The following MSH5 variants were observed in gnomAD, a reference collection of about 807,000 sequenced individuals.
MSH5 encodes mutS homolog 5.
MSH5 carries 78 observed loss-of-function variants against 107.7 expected under a neutral mutation model. The ratio of observed to expected loss-of-function variants is 0.72; its 90% CI spans 0.60 to 0.87. The LOEUF (loss-of-function observed/expected upper bound fraction) is 0.87. MSH5 is among the 40% of genes least tolerant of loss of function. The probability of loss-of-function intolerance (pLI) is 0.00; values close to 1 mark genes in which losing one functional copy is unlikely to be tolerated. For missense variants in MSH5, 889 were observed against 1,046.6 expected, an observed-to-expected ratio of 0.85 and a Z score of 2.08; for synonymous variants, 326 against 399.5, an observed-to-expected ratio of 0.82 and a Z score of 2.19.
chr6:31,740,557 C>T lies in MSH5; in HGVS notation c.91C>T (p.Pro31Ser). ...SSGFPSPAPV[P>S]GPREAEEEEV... Reference sequence around the variant, plus strand: ...CGGCTTCCCCAGCCCGGCCCCAGTGCCGGGCCCCAGGGAGGCCGAGGAGGA... The same window carrying T: ...CGGCTTCCCCAGCCCGGCCCCAGTGTCGGGCCCCAGGGAGGCCGAGGAGGA... Residue 31 changes from proline (P) to serine (S), a missense_variant, in exon 2 of 25, where the codon CCG (proline) becomes TCG (serine). Physicochemically the swap from Pro to Ser is moderately conservative, Grantham distance 74. This residue lies in a region of MSH5 where 518 missense variants were observed against 565.0 expected (regional missense o/e 0.92). Transcript: ENST00000375750. The surrounding 1 kb of genome is among the most constrained non-coding windows in gnomAD (Gnocchi z 4.4). The T allele has an allele frequency of 6.6e-7, 1 of 1,523,318 alleles. No individual in the cohort carries two copies. The highest frequency in any genetic ancestry group is 8.8e-7 in the Non-Finnish European group (1 of 1,137,082). The allele number at this position is 1,523,318 out of a possible 1,614,324, so 94.4% of individuals were successfully genotyped here.
Position 31,740,424 on chromosome 6 carries a change from C to T in MSH5, c.-13-30C>T, listed in dbSNP as rs17201088. The T allele has an allele frequency of 1.9e-4, 287 of 1,541,992 alleles. 3 individuals are homozygous for T. The Middle Eastern group carries it at 7.0e-3, about 38-fold the overall frequency. The stretch of plus-strand genomic sequence containing the variant: ...CGGCCTCCTCTGTGAATCGTTGCTT[C>T]CGAACCGCCCTCACTTTTTGCATCC... On this transcript the variant is annotated intron_variant, in intron 1 of 24. Coordinates refer to ENST00000375750, the MANE Select transcript of MSH5 (RefSeq NM_172166.4). This position sits in a 1 kb window ranked among gnomAD's most constrained non-coding sequence, Gnocchi z 4.4.
At chr6:31,748,002 C>CAAA (rs9279406) in intron 10 of MSH5, among the ~76,000 whole-genome samples, 1 of 141,402 alleles carries the variant, frequency 7.1e-6, no homozygotes, top group Non-Finnish European at 1.6e-5. Context: ...GACTCCGTCT[C>CAAA]AAAAAAAAAA....
intron 12 of MSH5, chr6:31,753,886 T>C: frequency 2.4e-6 from 1 of 414,828 alleles, no homozygotes; most frequent in Non-Finnish European, 4.5e-6. Context: ...CCACCATGCC[T>C]GGCAAATTTT....
chr6:31,744,577 T>TA lies in MSH5; in HGVS notation c.680dup (p.Tyr227Ter). The TA allele has an allele frequency of 6.2e-7, 1 of 1,613,138 alleles. No homozygotes were observed. The highest frequency in any genetic ancestry group is 8.5e-7 in the Non-Finnish European group (1 of 1,180,006). ...THLVNIDQDT[Y>*]SVLQIFKSES... ...TCTGGTGAACATAGATCAAGACACT[T>TA]ACAGGTAAAGAGGTGGAGGCATGCT... Residue 227 changes from tyrosine to a stop codon, truncating the protein, a stop_gained and frameshift_variant, in exon 8 of 25, where the codon TAC becomes TAAC. Coordinates refer to ENST00000375750, the MANE Select transcript of MSH5 (RefSeq NM_172166.4). LOFTEE classifies it high-confidence loss of function.
intron 8 of MSH5, 23 bp from the exon 9 acceptor site, chr6:31,745,214 A>C (rs1562222553): frequency 1.3e-6 from 2 of 1,528,628 alleles, no homozygotes; most frequent in Middle Eastern, 3.4e-4. Context: ...GTTACCCCAA[A>C]CTCCTCCATT....
Position 31,762,625 on chromosome 6 carries a change from G to T in MSH5, c.*94G>T. 1 of 740,970 alleles carries T rather than the reference G, an allele frequency of 1.3e-6. No homozygotes were observed. The allele number at this position is 740,970 out of a possible 1,614,324, so 45.9% of individuals were successfully genotyped here. ...ATCTCCCTCAGACGCAGAGTTTTTA[G>T]TTTCTCTAGAAATTTTGTTTCATAT... On this transcript the variant is annotated 3_prime_UTR_variant, in exon 25 of 25. Transcript: ENST00000375750.
chr6:31,742,812 A>G, intron 3 of MSH5, 65 bp from the exon 4 acceptor site: 11 of 1,501,586 alleles, frequency 7.3e-6, no homozygotes, highest in Non-Finnish European at 9.3e-6. Flanking sequence ...GAGGAGGGCT[A>G]TGGGTTTTCT....
intron 4 of MSH5, 52 bp from the exon 5 acceptor site, chr6:31,743,056 G>T: frequency 6.2e-7 from 1 of 1,610,908 alleles, no homozygotes; most frequent in Non-Finnish European, 8.5e-7. Flanking sequence ...TCAGACAGAG[G>T]TAGAAGGACT....
intron 10 of MSH5, among the ~76,000 whole-genome samples, chr6:31,750,387 C>T (rs980748879): frequency 6.6e-6 from 1 of 152,114 alleles, no homozygotes; most frequent in Non-Finnish European, 1.5e-5. Context: ...GCTGTACAGG[C>T]ACCAAGAATA....
At chr6:31,757,265 C>T (rs1017131684) in intron 12 of MSH5, among the ~76,000 whole-genome samples, 1 of 152,226 alleles carries the variant, frequency 6.6e-6, no homozygotes, top group Non-Finnish European at 1.5e-5. Context: ...CTACCTCAGC[C>T]TCCTGAGTGC....
rs1810792623 is a variant in MSH5 at position 31,759,740 on chromosome 6, T to C, written c.1496-46T>C. On this transcript the variant is annotated intron_variant, in intron 17 of 24. Coordinates refer to ENST00000375750, the MANE Select transcript of MSH5 (RefSeq NM_172166.4). The surrounding 1 kb of genome is among the most constrained non-coding windows in gnomAD (Gnocchi z 4.7). ...CTAGGGGCCTCTGCCTCTCCTTCAC[T>C]TTCCCCTGGAACTGACCTCCAGCTC... The C allele has an allele frequency of 6.3e-7, 1 of 1,599,140 alleles. No homozygotes were observed. Among genetic ancestry groups the C allele is most frequent in the South Asian group, 1.1e-5 (1 of 90,286 alleles).
chr6:31,746,945 G>A (rs543341712), intron 9 of MSH5, among the ~76,000 whole-genome samples: 2 of 152,058 alleles, frequency 1.3e-5, no homozygotes, highest in East Asian at 3.9e-4. Flanking sequence ...TCAGCCTCCC[G>A]AGTAGCTGGG....
At chr6:31,762,074 A>G (rs1811063711) in intron 23 of MSH5, 38 bp from the exon 24 acceptor site, 1 of 1,610,604 alleles carries the variant, frequency 6.2e-7, no homozygotes, top group Admixed American at 1.7e-5. Flanking sequence ...TCTCTTCCCC[A>G]CTCCCCTTAC....
intron 12 of MSH5, among the ~76,000 whole-genome samples, chr6:31,755,477 C>T (rs1190348251): frequency 6.6e-6 from 1 of 152,044 alleles, no homozygotes; most frequent in Non-Finnish European, 1.5e-5. Context: ...ATTCTCTTGC[C>T]TCAGCCTCCC....
chr6:31,751,004 ATTTAT>A (rs1263661632), intron 10 of MSH5, among the ~76,000 whole-genome samples: 3 of 151,964 alleles, frequency 2.0e-5, no homozygotes, highest in Non-Finnish European at 4.4e-5. Flanking sequence ...AATTTATTTT[ATTTAT>A]TTATTTATTT....
At chr6:31,751,656 AAAT>A (rs1809972013) in intron 10 of MSH5, 2 of 151,462 alleles carry the variant, frequency 1.3e-5, no homozygotes, top group African/African-American at 4.9e-5. Flanking sequence ...AAAAAGATGT[AAAT>A]AATAATACTA....
rs1311711611 is a variant in MSH5 at position 31,759,352 on chromosome 6, G to C, written c.1408-73G>C. 3 of 1,512,014 alleles carry C rather than the reference G, an allele frequency of 2.0e-6. No individual in the cohort carries two copies. The East Asian group carries it at 6.8e-5, about 34-fold the overall frequency. The allele number at this position is 1,512,014 out of a possible 1,614,324, so 93.7% of individuals were successfully genotyped here. ...GAAGTCAGAGTTAGGGGCTGGAGGTGGGGTTAGAAAGATGGGGAAGGAGAG... is the reference window on the plus strand; with the variant it reads ...GAAGTCAGAGTTAGGGGCTGGAGGTCGGGTTAGAAAGATGGGGAAGGAGAG... On this transcript the variant is annotated intron_variant, in intron 16 of 24. Coordinates refer to ENST00000375750, the MANE Select transcript of MSH5 (RefSeq NM_172166.4). This position sits in a 1 kb window ranked among gnomAD's most constrained non-coding sequence, Gnocchi z 4.7.
At chr6:31,743,498 C>T in intron 5 of MSH5, 1 of 482,640 alleles carries the variant, frequency 2.1e-6, no homozygotes, top group East Asian at 3.5e-5. Context: ...GGCACTGCCT[C>T]AGTGACCCTT....
At chr6:31,751,426 C>T (rs1036728253) in intron 10 of MSH5, 2 of 147,572 alleles carry the variant, frequency 1.4e-5, no homozygotes, top group Admixed American at 1.4e-4. Context: ...ACCAGAGGTC[C>T]GGAGTTTGAG....
Sources: allele counts gnomAD v4.1 joint callset (sites outside exome capture counted in the v4.1 genomes callset), GRCh38; gene constraint gnomAD v4.1.1; regional missense constraint gnomAD v4.1.1; non-coding constraint Gnocchi (gnomAD v3.1); transcripts MANE v1.5; gene names NCBI Gene and HGNC (gene_info 2026-07-23, HGNC 2026-07-21).